MYO16: variants seen among roughly 807,000 people sequenced by gnomAD.
The protein encoded by MYO16 is myosin XVI.
MYO16 carries 94 observed loss-of-function variants against 205.3 expected under a neutral mutation model. The observed-to-expected ratio is 0.46, with a 90% confidence interval of 0.39 to 0.54. The LOEUF (loss-of-function observed/expected upper bound fraction) is 0.54, where lower values mean the gene tolerates loss of function less well. Among genes scored for constraint, MYO16 ranks in the 20% least tolerant of loss-of-function variants. The probability of loss-of-function intolerance (pLI) is 0.00; values close to 1 mark genes in which losing one functional copy is unlikely to be tolerated. For missense variants in MYO16, 2,315 were observed against 2,387.5 expected (o/e 0.97, Z 0.63); for synonymous variants, 988 against 954.0 (o/e 1.04, Z -0.66).
Position 109,183,222 on chromosome 13 carries a change from G to T in MYO16, c.5415+3589G>T, listed in dbSNP as rs114520688. ...CTCGGTGGTGAGAAGCTAAGCGGCG[G>T]TGGGGGGGAATGCTGACAGCATCAG... On this transcript the variant is annotated intron_variant, in intron 34 of 34. Transcript: ENST00000457511. Among the ~76,000 whole-genome samples, 1,431 of 152,282 alleles carry T rather than the reference G, an allele frequency of 9.4e-3. 32 individuals are homozygous for T. Among genetic ancestry groups the T allele is most frequent in the African/African-American group, 0.032 (1,345 of 41,550 alleles).
chr13:109,056,664 A>G (rs1306940328), intron 27 of MYO16, among the ~76,000 whole-genome samples: 2 of 152,186 alleles, frequency 1.3e-5, no homozygotes, highest in African/African-American at 4.8e-5. Flanking sequence ...GGAATATTAC[A>G]AAGTGTTACA....
intron 15 of MYO16, among the ~76,000 whole-genome samples, chr13:108,904,512 T>C (rs1314225716): frequency 6.6e-6 from 1 of 152,188 alleles, no homozygotes; most frequent in Admixed American, 6.6e-5. Flanking sequence ...GAGGTTTACA[T>C]TGTGTGACAT....
intron 4 of MYO16, among the ~76,000 whole-genome samples, chr13:108,763,952 G>A (rs200554183): frequency 1.3e-5 from 2 of 149,742 alleles, no homozygotes; most frequent in African/African-American, 5.0e-5. Flanking sequence ...CGAGAAAAAG[G>A]CTACAAAAAA....
At chr13:108,972,106 C>A (rs1234355891) in intron 20 of MYO16, among the ~76,000 whole-genome samples, 1 of 145,934 alleles carries the variant, frequency 6.9e-6, no homozygotes, top group Non-Finnish European at 1.5e-5. Flanking sequence ...TACTTGGGAA[C>A]TGCTGAGGTG....
chr13:108,920,091 A>G (rs1881672542), intron 16 of MYO16, among the ~76,000 whole-genome samples: 1 of 152,172 alleles, frequency 6.6e-6, no homozygotes, highest in South Asian at 2.1e-4. Context: ...GAACTGTGTA[A>G]TCCAGCTTGT....
chr13:108,736,144 T>C (rs1158378653), intron 4 of MYO16, among the ~76,000 whole-genome samples: 2 of 152,202 alleles, frequency 1.3e-5, no homozygotes, highest in South Asian at 2.1e-4. Context: ...AGCTCTTTTG[T>C]TTAATTAGAT....
At chr13:108,977,494 G>A (rs1313414020) in intron 20 of MYO16, among the ~76,000 whole-genome samples, 2 of 152,096 alleles carry the variant, frequency 1.3e-5, no homozygotes, top group African/African-American at 2.4e-5. Flanking sequence ...ACATGCCCAC[G>A]GATGTTCACT....
chr13:108,900,389 T>C (rs1429666861), intron 15 of MYO16, among the ~76,000 whole-genome samples: 1 of 152,102 alleles, frequency 6.6e-6, no homozygotes, highest in Non-Finnish European at 1.5e-5. Context: ...TACATATTCA[T>C]AATGATGGGC....
chr13:108,802,407 C>G (rs1886993840), intron 6 of MYO16, among the ~76,000 whole-genome samples: 1 of 152,180 alleles, frequency 6.6e-6, no homozygotes, highest in South Asian at 2.1e-4. Flanking sequence ...CATGTTGTTG[C>G]AAATGACAGG....
chr13:108,967,175 G>GTGTGTA, intron 20 of MYO16, among the ~76,000 whole-genome samples: 1 of 151,938 alleles, frequency 6.6e-6, no homozygotes, highest in South Asian at 2.1e-4. Context: ...GTGTGTGTGT[G>GTGTGTA]TGTGTGTATG....
intron 23 of MYO16, among the ~76,000 whole-genome samples, chr13:109,020,970 A>G (rs1886003629): frequency 6.6e-6 from 1 of 152,204 alleles, no homozygotes; most frequent in Non-Finnish European, 1.5e-5. Flanking sequence ...TATTACATTG[A>G]TATAATAATA....
intron 4 of MYO16, among the ~76,000 whole-genome samples, chr13:108,754,176 C>T (rs1885344274): frequency 6.6e-6 from 1 of 151,906 alleles, no homozygotes; most frequent in Non-Finnish European, 1.5e-5. Flanking sequence ...GCATGCAGAA[C>T]AAACTGTAGC....
rs568868549 is a variant in MYO16, at chr13:108,758,473, A to G, written c.508-27162A>G. 5.3e-5 allele frequency among the ~76,000 whole-genome samples: 8 copies of G among 152,240 alleles called. No homozygotes were observed. In the South Asian group the frequency reaches 1.2e-3, roughly 24 times the overall value. ...ACTATCAGGACTGTTCAGTTCTACT[A>G]TTGCTTGATTTTCACACATTCTTTT... On this transcript the variant is annotated intron_variant, in intron 4 of 34. Transcript: ENST00000457511.
intron 21 of MYO16, among the ~76,000 whole-genome samples, chr13:108,995,587 C>G (rs1884976379): frequency 6.6e-6 from 1 of 152,038 alleles, no homozygotes; most frequent in South Asian, 2.1e-4. Flanking sequence ...TATCCCTCCC[C>G]CCTCTCCCCA....
intron 20 of MYO16, among the ~76,000 whole-genome samples, chr13:108,976,377 A>AT (rs1446298917): frequency 6.6e-6 from 1 of 152,184 alleles, no homozygotes; most frequent in Non-Finnish European, 1.5e-5. Flanking sequence ...TGGGAAAAAA[A>AT]TTGAAACTTG....
At chr13:108,608,084 G>T (rs188419405) in intron 1 of MYO16, among the ~76,000 whole-genome samples, 2 of 152,134 alleles carry the variant, frequency 1.3e-5, no homozygotes, top group Non-Finnish European at 2.9e-5. Context: ...TAATTCTAAC[G>T]ATCGATAATT....
At chr13:109,134,966 T>C (rs1422333407) in intron 31 of MYO16, among the ~76,000 whole-genome samples, 2 of 152,088 alleles carry the variant, frequency 1.3e-5, no homozygotes, top group South Asian at 4.2e-4. Flanking sequence ...AAAGCCTCCT[T>C]CATCATCTCA....
chr13:108,543,554 A>C, the MYO16 span, among the ~76,000 whole-genome samples: 12 of 149,292 alleles, frequency 8.0e-5, no homozygotes, highest in African/African-American at 3.0e-4. Flanking sequence ...AGGAAGGAGA[A>C]TGGCGTGAAC....
At chr13:108,834,582 ATTAAC>A (rs925402064) in intron 9 of MYO16, among the ~76,000 whole-genome samples, 8 of 151,812 alleles carry the variant, frequency 5.3e-5, no homozygotes, top group Non-Finnish European at 8.8e-5. Flanking sequence ...TGAAACTGCT[ATTAAC>A]TTGGAATTTT....
Sources: allele counts gnomAD v4.1 joint callset (sites outside exome capture counted in the v4.1 genomes callset), GRCh38; gene constraint gnomAD v4.1.1; transcripts MANE v1.5; gene names NCBI Gene and HGNC (gene_info 2026-07-23, HGNC 2026-07-21).